The following GRIP1 variants were observed in gnomAD, a reference collection of about 807,000 sequenced individuals.
GRIP1 encodes glutamate receptor-interacting protein 1.
In GRIP1, 45 loss-of-function variants were observed where a neutral mutation model predicts 129.9. The ratio of observed to expected loss-of-function variants is 0.35; its 90% CI spans 0.27 to 0.44. GRIP1 has a LOEUF of 0.44. Among genes scored for constraint, GRIP1 ranks in the 20% least tolerant of loss-of-function variants. The pLI is 1.00. For synonymous variants in GRIP1, 530 were observed against 520.8 expected, an observed-to-expected ratio of 1.02 and a Z score of -0.24; for missense variants, 1,196 against 1,396.8, an observed-to-expected ratio of 0.86 and a Z score of 2.29.
intron 16 of GRIP1, among the ~76,000 whole-genome samples, chr12:66,402,785 C>T (rs1264181862): frequency 2.0e-5 from 3 of 152,208 alleles, no homozygotes; most frequent in African/African-American, 7.2e-5. Context: ...TAGTTCTAAT[C>T]ACCAGCATAA....
At chr12:66,686,088 C>T (rs1241708805) in intron 1 of GRIP1, among the ~76,000 whole-genome samples, 2 of 152,264 alleles carry the variant, frequency 1.3e-5, no homozygotes, top group South Asian at 4.1e-4. Flanking sequence ...ATAGCTCTGC[C>T]ACTTTAAGAG....
chr12:66,530,996 G>A (rs2061424639), intron 4 of GRIP1, among the ~76,000 whole-genome samples: 1 of 151,634 alleles, frequency 6.6e-6, no homozygotes, highest in South Asian at 2.1e-4. Context: ...CAGCACTTTG[G>A]GATGCCAAGG....
chr12:66,990,274 T>C (rs1328972815), intron 1 of GRIP1, among the ~76,000 whole-genome samples: 1 of 152,216 alleles, frequency 6.6e-6, no homozygotes, highest in African/African-American at 2.4e-5. Flanking sequence ...GGTTCTATGT[T>C]TTAGAAATTT....
chr12:66,892,595 T>TAC (rs1555249546), intron 1 of GRIP1, among the ~76,000 whole-genome samples: 2 of 151,540 alleles, frequency 1.3e-5, no homozygotes, highest in East Asian at 2.0e-4. Flanking sequence ...TATATATATA[T>TAC]ACACATATAT....
chr12:66,661,611 T>G (rs1375619333), intron 1 of GRIP1, among the ~76,000 whole-genome samples: 1 of 152,118 alleles, frequency 6.6e-6, no homozygotes, highest in African/African-American at 2.4e-5. Flanking sequence ...TTAAACACCA[T>G]GTAACACATA....
At chr12:66,380,726 T>C (rs2056067396) in intron 19 of GRIP1, among the ~76,000 whole-genome samples, 1 of 152,190 alleles carries the variant, frequency 6.6e-6, no homozygotes, top group Admixed American at 6.5e-5. Context: ...TGTGGTTCTT[T>C]AAAATTATTA....
chr12:66,363,200 CATATATATATATATAT>C (rs35452357), intron 23 of GRIP1, among the ~76,000 whole-genome samples: 4 of 88,280 alleles, frequency 4.5e-5, no homozygotes, highest in African/African-American at 2.0e-4. Context: ...TGTGTGTGTC[CATATATATATATATAT>C]ATATATATAT....
At chr12:66,766,828 T>C (rs1178403593) in intron 1 of GRIP1, among the ~76,000 whole-genome samples, 2 of 152,218 alleles carry the variant, frequency 1.3e-5, no homozygotes, top group Non-Finnish European at 2.9e-5. Flanking sequence ...TAGTTCAGTG[T>C]TGACACAAAC....
chr12:66,785,513 A>T (rs1362214987), intron 1 of GRIP1, among the ~76,000 whole-genome samples: 1 of 151,364 alleles, frequency 6.6e-6, no homozygotes, highest in Non-Finnish European at 1.5e-5. Flanking sequence ...CCCTGTCTCA[A>T]AAAGAAAAAG....
intron 1 of GRIP1, among the ~76,000 whole-genome samples, chr12:66,665,190 T>C (rs546091146): frequency 3.9e-5 from 6 of 152,182 alleles, no homozygotes; most frequent in Non-Finnish European, 8.8e-5. Context: ...TAATTTTGTG[T>C]AGAGACAAGG....
chr12:66,700,956 T>C (rs2035330791), intron 1 of GRIP1, among the ~76,000 whole-genome samples: 1 of 152,160 alleles, frequency 6.6e-6, no homozygotes, highest in African/African-American at 2.4e-5. Context: ...TTGACCTACA[T>C]GTTCATCCTC....
intron 1 of GRIP1, among the ~76,000 whole-genome samples, chr12:66,746,200 C>T (rs1025354399): frequency 6.6e-6 from 1 of 152,078 alleles, no homozygotes; most frequent in Non-Finnish European, 1.5e-5. Flanking sequence ...GCTGAACTGA[C>T]TGGGAGAACT....
intron 1 of GRIP1, among the ~76,000 whole-genome samples, chr12:66,602,590 T>C (rs1193943186): frequency 6.6e-6 from 1 of 152,098 alleles, no homozygotes; most frequent in Non-Finnish European, 1.5e-5. Context: ...GATGGAGTGG[T>C]CCATACAGCT....
At chr12:66,684,750 C>T (rs894250610) in intron 1 of GRIP1, among the ~76,000 whole-genome samples, 35 of 152,278 alleles carry the variant, frequency 2.3e-4, no homozygotes, top group African/African-American at 7.5e-4. Context: ...GAGGCTGAGG[C>T]AGGAGAATCA....
chr12:66,871,205 G>A (rs1040550413), intron 1 of GRIP1, among the ~76,000 whole-genome samples: 2 of 152,104 alleles, frequency 1.3e-5, no homozygotes, highest in Admixed American at 1.3e-4. Flanking sequence ...ACTGTTGAAG[G>A]ATTAGGCAAT....
At chr12:66,521,828 T>C (rs1489572276) in intron 5 of GRIP1, among the ~76,000 whole-genome samples, 1 of 152,168 alleles carries the variant, frequency 6.6e-6, no homozygotes, top group Non-Finnish European at 1.5e-5. Flanking sequence ...CCAACGGGCT[T>C]AAAAAACAGC....
chr12:66,686,237 C>G (rs951455839), intron 1 of GRIP1, among the ~76,000 whole-genome samples: 1 of 152,114 alleles, frequency 6.6e-6, no homozygotes. Context: ...TCATAAGGAC[C>G]CTGTTGTTCA....
intron 7 of GRIP1, among the ~76,000 whole-genome samples, chr12:66,494,721 A>T (rs1251992950): frequency 1.3e-5 from 2 of 148,422 alleles, no homozygotes; most frequent in African/African-American, 5.0e-5. Flanking sequence ...AAAACAAATT[A>T]AAAAAAAAAG....
At chr12:66,925,947 A>G (rs1382495541) in intron 1 of GRIP1, among the ~76,000 whole-genome samples, 1 of 152,220 alleles carries the variant, frequency 6.6e-6, no homozygotes, top group Non-Finnish European at 1.5e-5. Flanking sequence ...CCCAGCCAGT[A>G]ATACCTGTTT....
Sources: allele counts gnomAD v4.1 joint callset (sites outside exome capture counted in the v4.1 genomes callset), GRCh38; gene constraint gnomAD v4.1.1; transcripts MANE v1.5; gene names NCBI Gene and HGNC (gene_info 2026-07-23, HGNC 2026-07-21).